Variants in TNFSF11 observed in about 807,000 individuals in gnomAD.
TNFSF11 encodes the protein TNF superfamily member 11.
In TNFSF11, 12 loss-of-function variants were observed where a neutral mutation model predicts 32.2. The ratio of observed to expected loss-of-function variants is 0.37; its 90% CI spans 0.24 to 0.60. The LOEUF is 0.60. Ranked by LOEUF, TNFSF11 falls within the 20% of genes least tolerant of loss-of-function variation. The pLI is 0.66. For missense variants in TNFSF11, 345 were observed against 398.0 expected, an observed-to-expected ratio of 0.87 and a Z score of 1.13; for synonymous variants, 172 against 152.1, an observed-to-expected ratio of 1.13 and a Z score of -0.96.
At chr13:42,599,612 T>A (rs1014020939) in intron 2 of TNFSF11, among the ~76,000 whole-genome samples, 23 of 152,160 alleles carry the variant, frequency 1.5e-4, no homozygotes, top group African/African-American at 4.8e-4. Context: ...TCACCCAGGC[T>A]GGATTACAGT....
intron 2 of TNFSF11, among the ~76,000 whole-genome samples, chr13:42,599,719 A>G (rs1020929614): frequency 1.1e-4 from 17 of 152,024 alleles, no homozygotes; most frequent in African/African-American, 4.1e-4. Flanking sequence ...ATAGGTACCC[A>G]CAACCACACC....
At chr13:42,591,335 T>G (rs902752908) in intron 2 of TNFSF11, among the ~76,000 whole-genome samples, 1 of 152,112 alleles carries the variant, frequency 6.6e-6, no homozygotes, top group Non-Finnish European at 1.5e-5. Flanking sequence ...CCTACCTACC[T>G]TCGCTCCTCC....
rs1594485076 is a variant in TNFSF11 at position 42,607,160 on chromosome 13, A to G, written c.*242A>G. On this transcript the variant is annotated 3_prime_UTR_variant, in exon 5 of 5. Coordinates refer to ENST00000398795, the MANE Select transcript of TNFSF11 (RefSeq NM_003701.4). Reference sequence around the variant, plus strand: ...TTTTGTAATGAATTCCTAGAATTAAACCAGATTGGAGCAATTACGGGGTGA... The same window carrying G: ...TTTTGTAATGAATTCCTAGAATTAAGCCAGATTGGAGCAATTACGGGGTGA... 3.2e-5 allele frequency: 16 copies of G among 501,322 alleles called. No homozygotes were observed. The East Asian group carries it at 6.0e-4, about 19-fold the overall frequency. The allele number at this position is 501,322 out of a possible 1,614,324, so 31.1% of individuals were successfully genotyped here.
At chr13:42,574,132 T>A, upstream of TNFSF11, 1 of 806,356 alleles carries the variant, frequency 1.2e-6, no homozygotes, top group Non-Finnish European at 2.0e-6. Flanking sequence ...TTTATAAGAG[T>A]TGGGGCTGCC....
chr13:42,591,488 G>A (rs1257319461), intron 2 of TNFSF11, among the ~76,000 whole-genome samples: 2 of 152,114 alleles, frequency 1.3e-5, no homozygotes, highest in African/African-American at 2.4e-5. Context: ...TCTGCTCTAC[G>A]GAACCTAGGC....
chr13:42,605,349 A>T (rs915597859), intron 4 of TNFSF11, among the ~76,000 whole-genome samples: 2 of 152,244 alleles, frequency 1.3e-5, no homozygotes, highest in Non-Finnish European at 2.9e-5. Context: ...TTAGTTTAGT[A>T]TAAGTATTTA....
intron 1 of TNFSF11, among the ~76,000 whole-genome samples, chr13:42,564,929 G>A (rs1325799): frequency 0.37 from 55,975 of 152,012 alleles, 11,252 homozygotes; most frequent in Non-Finnish European, 0.44. Context: ...TCCCAGCCCA[G>A]TTCACCAGCC....
chr13:42,575,592 T>C (rs1873271362), intron 1 of TNFSF11, among the ~76,000 whole-genome samples: 1 of 152,182 alleles, frequency 6.6e-6, no homozygotes, highest in Non-Finnish European at 1.5e-5. Context: ...GATTGTATGG[T>C]TTTTTGACAT....
intron 2 of TNFSF11, among the ~76,000 whole-genome samples, chr13:42,567,440 C>T (rs946585455): frequency 2.6e-5 from 4 of 152,162 alleles, no homozygotes; most frequent in Non-Finnish European, 4.4e-5. Flanking sequence ...TCATACATGA[C>T]CAAGATGTTT....
Position 42,574,475 on chromosome 13 carries a change from G to T in TNFSF11, c.172G>T (p.Gly58Cys). The T allele has an allele frequency of 1.2e-6, 2 of 1,609,302 alleles. No homozygotes were observed. The highest frequency in any genetic ancestry group is 4.0e-4 in the Middle Eastern group (2 of 5,018). ...MFVALLGLGL[G>C]QVVCSVALFF... is the part of the protein sequence containing the mutation. ...CGTGGCCCTCCTGGGGCTGGGGCTG[G>T]GCCAGGTTGTCTGCAGCGTCGCCCT... is the stretch of plus-strand genomic sequence containing the variant. The change falls in exon 1 of 5, where the codon GGC becomes TGC. Residue 58 changes from glycine (G) to cysteine (C), a missense_variant. This residue lies in a region of TNFSF11 where 197 missense variants were observed against 182.0 expected (regional missense o/e 1.08). Coordinates refer to ENST00000398795, the MANE Select transcript of TNFSF11 (RefSeq NM_003701.4).
chr13:42,591,359 G>A (rs1696501817), intron 2 of TNFSF11, among the ~76,000 whole-genome samples: 1 of 152,008 alleles, frequency 6.6e-6, no homozygotes, highest in Non-Finnish European at 1.5e-5. Context: ...CTGCCTGCTG[G>A]GCCACTGGAC....
chr13:42,574,578 G>A, intron 1 of TNFSF11, 56 bp downstream of exon 1: 3 of 1,571,770 alleles, frequency 1.9e-6, no homozygotes, highest in East Asian at 4.5e-5. Flanking sequence ...TCCTTCCCCC[G>A]CACTTGGAAA....
chr13:42,593,586 T>A (rs895079166), intron 2 of TNFSF11, among the ~76,000 whole-genome samples: 5 of 152,190 alleles, frequency 3.3e-5, no homozygotes, highest in African/African-American at 1.2e-4. Context: ...TCTGCAGGAA[T>A]TGGAAACTGG....
intron 1 of TNFSF11, among the ~76,000 whole-genome samples, chr13:42,563,303 A>G (rs1217230903): frequency 6.6e-6 from 1 of 152,174 alleles, no homozygotes. Flanking sequence ...TCCTCTTTTA[A>G]TTTTTGAAAT....
At chr13:42,581,034 G>A (rs970213656) in intron 1 of TNFSF11, 92 bp from the exon 2 acceptor site, 5 of 1,375,382 alleles carry the variant, frequency 3.6e-6, no homozygotes, top group Middle Eastern at 4.2e-4. Context: ...ACTCTTGCGA[G>A]TATGAATTTT....
At position 42,574,290 on chromosome 13, in the gene TNFSF11, G is replaced by A. The variant is rs997826724; in HGVS notation, c.-14G>A. On this transcript the variant is annotated 5_prime_UTR_variant, in exon 1 of 5. Coordinates refer to ENST00000398795, the MANE Select transcript of TNFSF11 (RefSeq NM_003701.4). ...GAGAGGGAGGAGAGCTCCGAAGCGA[G>A]AGGGCCGAGCGCCATGCGCCGCGCC... 3 of 1,546,388 alleles carry A rather than the reference G, an allele frequency of 1.9e-6. No individual in the cohort carries two copies. The highest frequency in any genetic ancestry group is 2.3e-4 in the Middle Eastern group (1 of 4,380).
rs1353176757 is a variant in TNFSF11 at position 42,590,389 on chromosome 13, T to C, written c.387+9096T>C. On this transcript the variant is annotated intron_variant, in intron 2 of 4. Transcript: ENST00000398795. The stretch of plus-strand genomic sequence containing the variant: ...TTTCCTCTTTGGAGCGTGAACACGT[T>C]AGGGACCTTGGGGTTGGGGGTGCTC... 5.3e-5 allele frequency among the ~76,000 whole-genome samples: 8 copies of C among 152,352 alleles called. No homozygotes were observed. The East Asian group carries it at 1.5e-3, about 29-fold the overall frequency.
At chr13:42,583,448 A>AAAAAAAAAAG (rs1873730080) in intron 2 of TNFSF11, among the ~76,000 whole-genome samples, 1 of 107,756 alleles carries the variant, frequency 9.3e-6, no homozygotes, top group African/African-American at 3.2e-5. Flanking sequence ...AGAAAGGAAG[A>AAAAAAAAAAG]AAGGAAGGAA....
chr13:42,598,803 C>CAGAA (rs763120282), intron 2 of TNFSF11, among the ~76,000 whole-genome samples: 4 of 152,094 alleles, frequency 2.6e-5, no homozygotes, highest in African/African-American at 4.8e-5. Context: ...TAAAAACCTG[C>CAGAA]AGAAAGAAAG....
Sources: gnomAD v4.1 joint callset for allele counts (sites outside exome capture counted in the v4.1 genomes callset) on GRCh38, gnomAD v4.1.1 for gene constraint, gnomAD v4.1.1 regional missense constraint, MANE v1.5 for transcripts, NCBI Gene and HGNC (gene_info 2026-07-23, HGNC 2026-07-21) for gene names.